Variants in NCOR2 observed in about 807,000 individuals in gnomAD.
NCOR2 encodes the protein CTG repeat protein 26.
A neutral mutation model predicts 262.9 loss-of-function variants in NCOR2; 81 were observed. The ratio of observed to expected loss-of-function variants is 0.31; its 90% CI spans 0.26 to 0.37. The LOEUF (loss-of-function observed/expected upper bound fraction) is 0.37, where lower values mean the gene tolerates loss of function less well. Among genes scored for constraint, NCOR2 ranks in the 10% least tolerant of loss-of-function variants. The pLI, the probability that NCOR2 is intolerant of heterozygous loss-of-function variation, is 1.00. For missense variants in NCOR2, 3,385 were observed against 3,621.4 expected (o/e 0.93, Z 1.68); for synonymous variants, 1,659 against 1,559.3 (o/e 1.06, Z -1.51).
At chr12:124,519,133 G>C (rs28386863) in intron 1 of NCOR2, among the ~76,000 whole-genome samples, 4,376 of 27,416 alleles carry the variant, frequency 0.16, 198 homozygotes, top group African/African-American at 0.22. Flanking sequence ...CACACACACA[G>C]GCCAACAATG....
chr12:124,534,523 C>T (rs573544642), intron 1 of NCOR2, among the ~76,000 whole-genome samples: 36 of 152,226 alleles, frequency 2.4e-4, no homozygotes, highest in Middle Eastern at 3.4e-3. Context: ...CATCGTTGAC[C>T]AGAATGTCGT....
At chr12:124,364,953 T>C (rs1252814384) in intron 20 of NCOR2, among the ~76,000 whole-genome samples, 4 of 149,504 alleles carry the variant, frequency 2.7e-5, no homozygotes, top group African/African-American at 9.9e-5. Context: ...TGGACCGTGT[T>C]TGCGGGTATG....
rs1257276484 is a variant in NCOR2, at chr12:124,400,507, C to A, written c.1807G>T (p.Glu603Ter). Residue 603 changes from glutamate to a stop codon, truncating the protein, a stop_gained, in exon 15 of 47, where the codon GAG becomes TAG. Coordinates refer to ENST00000405201, the Ensembl canonical transcript of NCOR2. LOFTEE classifies it high-confidence loss of function. ...TCCCTGGCCCCCAGCTCACCCAGCT[C>A]GGCGCTCTGCTGGGGGGTGATGGCC... 1 of 1,612,880 alleles carries A rather than the reference C, an allele frequency of 6.2e-7. No individual in the cohort carries two copies. Among genetic ancestry groups the A allele is most frequent in the African/African-American group, 1.3e-5 (1 of 74,926 alleles).
At position 124,528,348 on chromosome 12, in the gene NCOR2, G is replaced by T. The variant is rs187906807; in HGVS notation, c.-118+7217C>A. Among the ~76,000 whole-genome samples the T allele has an allele frequency of 5.3e-5, 8 of 152,334 alleles. No individual in the cohort carries two copies. In the East Asian group the frequency reaches 1.5e-3, roughly 29 times the overall value. ...GACTTCATTACTTATTTATTTACGG[G>T]ATTGCTTATTTAATTTACAGGCCTC... On this transcript the variant is annotated intron_variant, in intron 1 of 46. Transcript: ENST00000404621.
intron 7 of NCOR2, among the ~76,000 whole-genome samples, chr12:124,438,908 C>A (rs1278990578): frequency 7.4e-6 from 1 of 134,516 alleles, no homozygotes; most frequent in African/African-American, 2.9e-5. Flanking sequence ...GAGACAGAGA[C>A]CCAGAGAGAG....
At chr12:124,559,488 T>A (rs1354461983) in intron 1 of NCOR2, among the ~76,000 whole-genome samples, 1 of 152,172 alleles carries the variant, frequency 6.6e-6, no homozygotes, top group Non-Finnish European at 1.5e-5. Context: ...TCACCCAGGG[T>A]CTGACCTTGG....
intron 16 of NCOR2, among the ~76,000 whole-genome samples, chr12:124,388,528 G>A (rs118132240): frequency 0.018 from 2,678 of 152,230 alleles, 39 homozygotes; most frequent in Non-Finnish European, 0.029. Flanking sequence ...AGAGAGGAGA[G>A]GGCATGGGGG....
chr12:124,364,518 G>A (rs754807862), intron 20 of NCOR2, among the ~76,000 whole-genome samples: 2 of 152,256 alleles, frequency 1.3e-5, no homozygotes, highest in Admixed American at 6.5e-5. Context: ...AGCCACAGTC[G>A]CAGTCCCTTC....
At chr12:124,339,911 C>CCAAAAAA in intron 37 of NCOR2, 95 bp downstream of exon 39, 2 of 1,090,172 alleles carry the variant, frequency 1.8e-6, no homozygotes, top group African/African-American at 1.6e-5. Context: ...ACCCACCTCC[C>CCAAAAAA]ATATACCTCC....
At chr12:124,498,258 C>T (rs2048481410), upstream of NCOR2, among the ~76,000 whole-genome samples, 1 of 152,116 alleles carries the variant, frequency 6.6e-6, no homozygotes, top group African/African-American at 2.4e-5. Flanking sequence ...GGTGACAGGC[C>T]CCTGGCACAC....
At chr12:124,343,281 G>T in intron 32 of NCOR2, 55 bp from the exon 35 acceptor site, 1 of 1,495,088 alleles carries the variant, frequency 6.7e-7, no homozygotes, top group Non-Finnish European at 9.1e-7. Context: ...TTTACGGGGA[G>T]TTGTTTGAGG....
At chr12:124,371,677 G>A (rs2039533147) in intron 20 of NCOR2, among the ~76,000 whole-genome samples, 1 of 152,194 alleles carries the variant, frequency 6.6e-6, no homozygotes, top group Admixed American at 6.5e-5. Context: ...CTCCAGGACT[G>A]TATTTGTTAA....
chr12:124,502,784 A>G (rs893954966), intron 1 of NCOR2, among the ~76,000 whole-genome samples: 1 of 152,146 alleles, frequency 6.6e-6, no homozygotes, highest in Admixed American at 6.5e-5. Flanking sequence ...TTCAAAGGAC[A>G]CTGTAGCTGC....
chr12:124,382,852 C>T (rs1389749422), intron 17 of NCOR2, among the ~76,000 whole-genome samples: 2 of 152,224 alleles, frequency 1.3e-5, no homozygotes, highest in African/African-American at 4.8e-5. Context: ...CACACTTGTT[C>T]TTCAACAGCC....
In NCOR2 at chr12:124,336,612, G is replaced by A. The variant is rs544457300; in HGVS notation, c.6115+141C>T. 1,369 of 1,471,192 alleles carry A rather than the reference G, an allele frequency of 9.3e-4. 1 individual carries two copies. The highest frequency in any genetic ancestry group is 1.8e-3 in the Admixed American group (69 of 38,798). The allele number at this position is 1,471,192 out of a possible 1,614,324, so 91.1% of individuals were successfully genotyped here. A position where few individuals can be genotyped will look rare whatever the true frequency, so the allele number is the denominator to read the frequency against. On this transcript the variant is annotated intron_variant, in intron 38 of 46. Coordinates refer to ENST00000405201, the Ensembl canonical transcript of NCOR2. Reference sequence around the variant, plus strand: ...TGAAAATATCTTTGGACCACGAGACGGGGTGGGTGCGGGCCGGAAGTCTTA... The same window carrying A: ...TGAAAATATCTTTGGACCACGAGACAGGGTGGGTGCGGGCCGGAAGTCTTA...
exon 40 of NCOR2, chr12:124,335,203 G>T (rs777989634): frequency 6.2e-7 from 1 of 1,611,114 alleles, no homozygotes; most frequent in Non-Finnish European, 8.5e-7. Context: ...TGGAGCAGCG[G>T]GCTGGACGAG....
chr12:124,331,063 C>CA (rs2035144674), intron 43 of NCOR2, among the ~76,000 whole-genome samples, 165 bp from the exon 46 acceptor site: 1 of 135,716 alleles, frequency 7.4e-6, no homozygotes, highest in Admixed American at 7.4e-5. Context: ...GTCTGCATTT[C>CA]TTTTTTTTTT....
intron 1 of NCOR2, among the ~76,000 whole-genome samples, chr12:124,509,662 A>C (rs1309818096): frequency 2.6e-5 from 4 of 152,158 alleles, no homozygotes; most frequent in South Asian, 2.1e-4. Context: ...GGCCAGACTC[A>C]GTGTAGGGGG....
intron 22 of NCOR2, among the ~76,000 whole-genome samples, chr12:124,359,807 G>A (rs901912082): frequency 6.6e-6 from 1 of 152,256 alleles, no homozygotes; most frequent in Admixed American, 6.5e-5. Context: ...GACCTGCTTG[G>A]CTGAGCCGCT....
Sources: allele counts gnomAD v4.1 joint callset (sites outside exome capture counted in the v4.1 genomes callset), GRCh38; gene constraint gnomAD v4.1.1; transcripts MANE v1.5; gene names NCBI Gene and HGNC (gene_info 2026-07-23, HGNC 2026-07-21).